Variants in INO80 observed in about 807,000 individuals in gnomAD.
INO80 encodes the protein chromatin-remodeling ATPase INO80.
Under a neutral mutation model 203.4 loss-of-function variants are expected in INO80, and 20 were observed. The ratio of observed to expected loss-of-function variants is 0.10; its 90% CI spans 0.07 to 0.14. INO80 has a LOEUF of 0.14. Ranked by LOEUF, INO80 falls within the 10% of genes least tolerant of loss-of-function variation. INO80 has a pLI of 1.00. For synonymous variants in INO80, 726 were observed against 685.2 expected (o/e 1.06, Z -0.93); for missense variants, 1,419 against 1,914.4 (o/e 0.74, Z 4.83).
rs780138192 is a variant in INO80, at chr15:41,079,717, T to A, written c.1115A>T (p.Asp372Val). ...EKEALEQRKL[D>V]EEMREAKRQQ... ...TTGCCCTACCTCCCGCATTTCCTCA[T>A]CCAACTTCCGCTGCTCCAAAGCTTC... Residue 372 changes from aspartate to valine, a missense_variant, in exon 9 of 36, where the codon GAT (aspartate) becomes GTT (valine). Physicochemically the swap from Asp to Val is radical, Grantham distance 152. Coordinates refer to ENST00000648947, the MANE Select transcript of INO80 (RefSeq NM_017553.3). 9 of 1,614,156 alleles carry A rather than the reference T, an allele frequency of 5.6e-6. No homozygotes were observed. The South Asian group carries it at 9.9e-5, about 18-fold the overall frequency.
chr15:41,016,029 T>C, intron 27 of INO80, 59 bp downstream of exon 27: 1 of 1,422,490 alleles, frequency 7.0e-7, no homozygotes, highest in East Asian at 2.3e-5. Context: ...GTCATGGACA[T>C]CTGATTCCTA....
intron 24 of INO80, among the ~76,000 whole-genome samples, chr15:41,036,246 A>G (rs1267250296): frequency 6.6e-6 from 1 of 150,646 alleles, no homozygotes; most frequent in Non-Finnish European, 1.5e-5. Flanking sequence ...ACAGTGTGAG[A>G]TATCAAGTGT....
At chr15:41,083,407 C>T (rs1325510620) in intron 7 of INO80, among the ~76,000 whole-genome samples, 1 of 151,692 alleles carries the variant, frequency 6.6e-6, no homozygotes, top group African/African-American at 2.4e-5. Context: ...AGGTAATATC[C>T]TCAAAACATT....
intron 14 of INO80, among the ~76,000 whole-genome samples, chr15:41,068,382 A>G (rs2045256904): frequency 6.6e-6 from 1 of 151,786 alleles, no homozygotes; most frequent in African/African-American, 2.4e-5. Context: ...TCGTCAGTAG[A>G]GAAACCCCGT....
intron 1 of INO80, among the ~76,000 whole-genome samples, chr15:41,115,290 G>T (rs1016591829): frequency 1.3e-5 from 2 of 152,144 alleles, no homozygotes; most frequent in Non-Finnish European, 2.9e-5. Context: ...AAACTGTAGG[G>T]GGCTTCTAGC....
intron 28 of INO80, among the ~76,000 whole-genome samples, chr15:41,003,582 G>A (rs924507348): frequency 2.0e-5 from 3 of 151,730 alleles, no homozygotes; most frequent in African/African-American, 4.8e-5. Flanking sequence ...CGCCCACCTC[G>A]GCCTCCCAAA....
At chr15:40,991,898 C>T (rs752846688) in intron 29 of INO80, among the ~76,000 whole-genome samples, 5 of 152,194 alleles carry the variant, frequency 3.3e-5, no homozygotes, top group East Asian at 1.9e-4. Context: ...CTCAGCCTCC[C>T]GAGTAGCTGG....
Position 41,092,126 on chromosome 15 carries a change from A to G in INO80, c.438T>C (p.Asp146=). 6.2e-7 allele frequency: 1 copy of G among 1,611,950 alleles called. No homozygotes were observed. The highest frequency in any genetic ancestry group is 8.5e-7 in the Non-Finnish European group (1 of 1,178,242). ...SEADSQSEDD[D]EEELNLSREE... ...CTCTGCTGAGATTGAGTTCTTCTTC[A>G]TCATCGTCTTCACTCTGAGAATCAG... Residue 146 remains aspartate (D), a synonymous_variant, in exon 5 of 36, where the codon GAT becomes GAC. Transcript: ENST00000648947.
chr15:41,108,360 C>A (rs1333034630), intron 1 of INO80, among the ~76,000 whole-genome samples: 1 of 151,952 alleles, frequency 6.6e-6, no homozygotes, highest in Middle Eastern at 3.2e-3. Flanking sequence ...GAGGCCGAGG[C>A]AGGCGGATCA....
chr15:40,981,247 G>C (rs1295466697), intron 35 of INO80, among the ~76,000 whole-genome samples: 1 of 152,094 alleles, frequency 6.6e-6, no homozygotes, highest in Non-Finnish European at 1.5e-5. Flanking sequence ...GCCAAGCACT[G>C]TTGGTTTTTC....
chr15:40,997,534 C>T lies in INO80; in HGVS notation c.3565G>A (p.Asp1189Asn). Residue 1189 changes from aspartate to asparagine, a missense_variant, in exon 29 of 36, where the codon GAC becomes AAC. Asp to Asn is a conservative substitution (Grantham distance 23, BLOSUM62 1). Coordinates refer to ENST00000648947, the MANE Select transcript of INO80 (RefSeq NM_017553.3). Reference protein sequence around the residue: ...GGLGINLTAADTVIFYDSDWN... With the variant: ...GGLGINLTAANTVIFYDSDWN... Reference sequence around the variant, plus strand: ...ATTGTGCTCTCATTACTTACTGTGTCTGCAGCAGTGAGATTGATACCCAGT... The same window carrying T: ...ATTGTGCTCTCATTACTTACTGTGTTTGCAGCAGTGAGATTGATACCCAGT... 6.2e-7 allele frequency: 1 copy of T among 1,602,542 alleles called. No individual in the cohort carries two copies. Among genetic ancestry groups the T allele is most frequent in the East Asian group, 2.2e-5 (1 of 44,776 alleles).
In INO80 at chr15:41,096,198, G is replaced by A. The variant is rs968349864; in HGVS notation, c.113C>T (p.Thr38Met). ...ALRLDHFLRQ[T>M]SAIFNRNISS... ...AATATTCCTATTGAAGATAGCTGAC[G>A]TTTGTCGCAGAAAATGGTCCAACCG... is the stretch of plus-strand genomic sequence containing the variant. The change falls in exon 2 of 36, where the codon ACG (threonine) becomes ATG (methionine). Residue 38 changes from threonine to methionine, a missense_variant. This residue lies in a region of INO80 where 323 missense variants were observed against 325.4 expected (regional missense o/e 0.99). Transcript: ENST00000648947. 1.9e-6 allele frequency: 3 copies of A among 1,611,584 alleles called. No individual in the cohort carries two copies. The highest frequency in any genetic ancestry group is 2.7e-5 in the African/African-American group (2 of 74,734).
chr15:41,065,193 C>T (rs2045188005), intron 14 of INO80, among the ~76,000 whole-genome samples: 1 of 151,980 alleles, frequency 6.6e-6, no homozygotes, highest in Non-Finnish European at 1.5e-5. Context: ...ATCCTAGCAC[C>T]TTGGGAGGCA....
At chr15:41,020,395 T>C (rs1203187100) in intron 26 of INO80, among the ~76,000 whole-genome samples, 5 of 152,194 alleles carry the variant, frequency 3.3e-5, no homozygotes, top group African/African-American at 4.8e-5. Flanking sequence ...GATGAAAACC[T>C]AGTTTCCTTT....
intron 14 of INO80, among the ~76,000 whole-genome samples, chr15:41,062,886 T>C (rs1217870737): frequency 2.0e-5 from 3 of 152,166 alleles, no homozygotes; most frequent in Non-Finnish European, 4.4e-5. Flanking sequence ...TGTGTTTTGT[T>C]ATAGCAGCAC....
At chr15:41,018,661 G>C (rs1326556008) in intron 26 of INO80, 1 of 152,216 alleles carries the variant, frequency 6.6e-6, no homozygotes, top group African/African-American at 2.4e-5. Flanking sequence ...TCTAGTATTT[G>C]TCCTTAGTAA....
chr15:40,987,762 G>C, intron 30 of INO80, 54 bp downstream of exon 30: 10 of 1,530,022 alleles, frequency 6.5e-6, no homozygotes, highest in Non-Finnish European at 8.1e-6. Context: ...AGTCAATGTG[G>C]TTGGACTTTC....
chr15:41,096,333 C>T lies in INO80; in HGVS notation c.-23G>A. ...CATAGAACAAATCTGTCTTCATGCA[C>T]AAGGACCTCCGACTGCACGGCTGCA... On this transcript the variant is annotated 5_prime_UTR_variant, in exon 2 of 36. In the 5' UTR this introduces an upstream ATG that the reference lacks. Coordinates refer to ENST00000648947, the MANE Select transcript of INO80 (RefSeq NM_017553.3). 6.4e-7 allele frequency: 1 copy of T among 1,557,270 alleles called. No individual in the cohort carries two copies. Among genetic ancestry groups the T allele is most frequent in the Non-Finnish European group, 8.6e-7 (1 of 1,159,126 alleles).
At chr15:41,015,888 A>G (rs1338335806) in intron 27 of INO80, among the ~76,000 whole-genome samples, 200 bp downstream of exon 27, 7 of 150,448 alleles carry the variant, frequency 4.7e-5, no homozygotes, top group Non-Finnish European at 8.9e-5. Context: ...CAGAGGTTGC[A>G]GAGCCGAGAT....
Sources: gnomAD v4.1 joint callset for allele counts (sites outside exome capture counted in the v4.1 genomes callset) on GRCh38, gnomAD v4.1.1 for gene constraint, gnomAD v4.1.1 regional missense constraint, MANE v1.5 for transcripts, NCBI Gene and HGNC (gene_info 2026-07-23, HGNC 2026-07-21) for gene names.